Variants in LPIN1 observed in about 807,000 individuals in gnomAD.
LPIN1 encodes lipin 1.
Under a neutral mutation model 107.5 loss-of-function variants are expected in LPIN1, and 71 were observed. The ratio of observed to expected loss-of-function variants is 0.66; its 90% confidence interval spans 0.55 to 0.80. LPIN1 has a LOEUF of 0.80. Among genes scored for constraint, LPIN1 ranks in the 30% least tolerant of loss-of-function variants. LPIN1 has a pLI of 0.00. For synonymous variants in LPIN1, 445 were observed against 452.6 expected, an observed-to-expected ratio of 0.98 and a Z score of 0.21; for missense variants, 1,043 against 1,160.6, an observed-to-expected ratio of 0.90 and a Z score of 1.47.
chr2:11,814,062 G>T (rs865960655), intron 17 of LPIN1, among the ~76,000 whole-genome samples: 2 of 152,192 alleles, frequency 1.3e-5, no homozygotes, highest in Non-Finnish European at 2.9e-5. Flanking sequence ...AGTGTGGGGG[G>T]TGTGGAGAAA....
intron 12 of LPIN1, among the ~76,000 whole-genome samples, chr2:11,790,419 G>A (rs536891437): frequency 6.6e-6 from 1 of 152,316 alleles, no homozygotes; most frequent in East Asian, 1.9e-4. Flanking sequence ...GAGGGTAGGG[G>A]CAGCTCTCTC....
rs745520425 is a variant in LPIN1, at chr2:11,773,743, C to T, written c.720C>T (p.Pro240=). ...PNSDREWSPT[P]SSLVDCKRTA... ...CGGATAGAGAGTGGTCACCCACTCCCAGGTAAGCTGTTCCCTGTTCCCCTG... is the reference window on the plus strand; with the variant it reads ...CGGATAGAGAGTGGTCACCCACTCCTAGGTAAGCTGTTCCCTGTTCCCCTG... Residue 240 remains proline, a splice_region_variant and synonymous_variant, in exon 5 of 21, where the codon CCC becomes CCT. Transcript: ENST00000674199. The T allele has an allele frequency of 4.1e-5, 66 of 1,613,986 alleles. No homozygotes were observed. The highest frequency in any genetic ancestry group is 3.3e-4 in the Middle Eastern group (2 of 6,080).
chr2:11,746,540 C>T (rs1240428444), upstream of LPIN1: 3 of 503,980 alleles, frequency 6.0e-6, no homozygotes, highest in Non-Finnish European at 7.7e-6. Flanking sequence ...GAGTCCCCCT[C>T]GCACCGCCCC....
chr2:11,787,398 CTT>C (rs1205272301), intron 11 of LPIN1, among the ~76,000 whole-genome samples: 4 of 64,558 alleles, frequency 6.2e-5, no homozygotes, highest in Admixed American at 1.7e-4. Context: ...TTTTCTTTTT[CTT>C]TTTTTTTTTT....
chr2:11,696,240 T>C (rs1483161508), intron 1 of LPIN1, among the ~76,000 whole-genome samples: 15 of 150,208 alleles, frequency 1.0e-4, no homozygotes, highest in Non-Finnish European at 1.8e-4. Context: ...TGTCCATGTG[T>C]TCTCATTGTT....
rs761510842 is a variant in LPIN1, at chr2:11,771,418, G to C, written c.335G>C (p.Gly112Ala). The C allele has an allele frequency of 3.7e-6, 6 of 1,614,124 alleles. No individual in the cohort carries two copies. The East Asian group carries it at 1.1e-4, about 30-fold the overall frequency. The change falls in exon 4 of 21, where the codon GGA (glycine) becomes GCA (alanine). Residue 112 changes from glycine to alanine, a missense_variant. Transcript: ENST00000674199. The surrounding 1 kb of genome is among the most constrained non-coding windows in gnomAD (Gnocchi z 4.8). Reference sequence around the variant, plus strand: ...GCCACCTCCCCCATCCTGTCAGAAGGAGCTTCGAGAATGGAATGCCAGCTG... The same window carrying C: ...GCCACCTCCCCCATCCTGTCAGAAGCAGCTTCGAGAATGGAATGCCAGCTG... Reference protein sequence around the residue: ...HLATSPILSEGASRMECQLKR... With the variant: ...HLATSPILSEAASRMECQLKR...
chr2:11,763,987 G>GTGTA (rs1359205019), intron 1 of LPIN1, among the ~76,000 whole-genome samples: 32 of 132,946 alleles, frequency 2.4e-4, no homozygotes, highest in African/African-American at 5.8e-4. Context: ...GTGTGTGTGT[G>GTGTA]TATATATATA....
chr2:11,682,838 C>T (rs1264902657), intron 1 of LPIN1: 1 of 152,256 alleles, frequency 6.6e-6, no homozygotes, highest in Non-Finnish European at 1.5e-5. Context: ...TTGTCCGGGT[C>T]ACTCAGGTTT....
intron 1 of LPIN1, chr2:11,741,207 G>T: frequency 1.7e-6 from 1 of 580,544 alleles, no homozygotes; most frequent in Non-Finnish European, 3.0e-6. Context: ...GACTGACCAG[G>T]AGCCCGGGAG....
At chr2:11,753,419 C>G (rs1319528944) in intron 1 of LPIN1, among the ~76,000 whole-genome samples, 2 of 152,218 alleles carry the variant, frequency 1.3e-5, no homozygotes, top group African/African-American at 4.8e-5. Flanking sequence ...AATTTCCCAG[C>G]AGGTAGTGAT....
chr2:11,723,382 G>A (rs1394943395), upstream of LPIN1: 1 of 152,194 alleles, frequency 6.6e-6, no homozygotes, highest in Non-Finnish European at 1.5e-5. Flanking sequence ...GGCGGGCTGG[G>A]TGCAGTGGCT....
rs1671833119 is a variant in LPIN1, at chr2:11,771,497, A to G, written c.414A>G (p.Gln138=). ...MRGLDPSTPA[Q]VIAPSETPSS... Reference sequence around the variant, plus strand: ...GCCTGGACCCCAGCACGCCAGCCCAAGTGATCGCTCCCAGCGAGACGCCGT... The same window carrying G: ...GCCTGGACCCCAGCACGCCAGCCCAGGTGATCGCTCCCAGCGAGACGCCGT... The change falls in exon 4 of 21, where the codon CAA becomes CAG. Residue 138 remains glutamine (Q), a synonymous_variant. Transcript: ENST00000674199. The surrounding 1 kb of genome is among the most constrained non-coding windows in gnomAD (Gnocchi z 4.8). The G allele has an allele frequency of 1.2e-6, 2 of 1,614,242 alleles. No individual in the cohort carries two copies. The highest frequency in any genetic ancestry group is 1.7e-6 in the Non-Finnish European group (2 of 1,180,046).
intron 1 of LPIN1, among the ~76,000 whole-genome samples, chr2:11,699,027 C>T (rs571615972): frequency 2.0e-5 from 3 of 152,284 alleles, no homozygotes; most frequent in Admixed American, 6.5e-5. Flanking sequence ...ACTTTGTAAA[C>T]GTTCTTAAAA....
At chr2:11,778,472 G>A (rs186848281) in intron 6 of LPIN1, among the ~76,000 whole-genome samples, 14 of 152,296 alleles carry the variant, frequency 9.2e-5, no homozygotes, top group Non-Finnish European at 1.5e-4. Flanking sequence ...TACAAGTTAT[G>A]TATCATCATG....
intron 1 of LPIN1, among the ~76,000 whole-genome samples, chr2:11,730,776 G>A (rs944078993): frequency 1.6e-4 from 24 of 152,150 alleles, no homozygotes; most frequent in African/African-American, 4.3e-4. Context: ...CACTTCCTGC[G>A]GAAGTACCTC....
At chr2:11,686,189 C>T (rs1164421472) in intron 1 of LPIN1, among the ~76,000 whole-genome samples, 1 of 152,184 alleles carries the variant, frequency 6.6e-6, no homozygotes, top group Non-Finnish European at 1.5e-5. Flanking sequence ...ACCAGGTGAG[C>T]GTGCCTAGGT....
intron 17 of LPIN1, among the ~76,000 whole-genome samples, chr2:11,809,777 TA>T (rs1445446303): frequency 6.6e-6 from 1 of 152,182 alleles, no homozygotes; most frequent in African/African-American, 2.4e-5. Flanking sequence ...CTTCTTTGTT[TA>T]TTGCAGTCAT....
intron 1 of LPIN1, among the ~76,000 whole-genome samples, chr2:11,701,076 T>G (rs1662849429): frequency 6.6e-6 from 1 of 152,172 alleles, no homozygotes; most frequent in African/African-American, 2.4e-5. Context: ...AGGCCAAGGT[T>G]ATTCTTGTCT....
At chr2:11,798,507 G>C (rs1677120403) in intron 14 of LPIN1, among the ~76,000 whole-genome samples, 1 of 152,114 alleles carries the variant, frequency 6.6e-6, no homozygotes, top group Non-Finnish European at 1.5e-5. Context: ...AGTTTACTTG[G>C]GGTGTCACGG....
Sources: allele counts gnomAD v4.1 joint callset (sites outside exome capture counted in the v4.1 genomes callset), GRCh38; gene constraint gnomAD v4.1.1; non-coding constraint Gnocchi (gnomAD v3.1); transcripts MANE v1.5; gene names NCBI Gene and HGNC (gene_info 2026-07-23, HGNC 2026-07-21).